The following ABLIM1 variants were observed in gnomAD, a reference collection of about 807,000 sequenced individuals.
ABLIM1 encodes actin binding LIM protein 1.
In ABLIM1, 40 loss-of-function variants were observed where a neutral mutation model predicts 107.0. That is an observed-to-expected ratio of 0.37 (90% CI 0.29 to 0.49). The LOEUF is 0.49. ABLIM1 is among the 20% of genes least tolerant of loss of function. ABLIM1 has a pLI of 0.97. For missense variants in ABLIM1, 857 were observed against 1,008.5 expected (o/e 0.85, Z 2.04); for synonymous variants, 357 against 357.3 (o/e 1.00, Z 0.01).
Position 114,619,052 on chromosome 10 carries a change from C to G in ABLIM1, c.245-17091G>C, listed in dbSNP as rs2034508162. Among the ~76,000 whole-genome samples the G allele has an allele frequency of 6.6e-6, 1 of 152,100 alleles. No homozygotes were observed. The highest frequency in any genetic ancestry group is 2.1e-4 in the South Asian group (1 of 4,812). On this transcript the variant is annotated intron_variant, in intron 1 of 22. Transcript: ENST00000533213. This position sits in a 1 kb window ranked among gnomAD's most constrained non-coding sequence, Gnocchi z 4.1. ...CAAGATAGGGGTGATGACAGACATG[C>G]CCTGCACCCAAGGAATGGTTAAACC...
the ABLIM1 span, chr10:114,778,939 A>C: frequency 6.6e-6 from 1 of 152,130 alleles, no homozygotes; most frequent in South Asian, 2.1e-4. Context: ...TCCAGCACCC[A>C]GTGGAGTATT....
chr10:114,632,927 G>A (rs950166285), intron 1 of ABLIM1, among the ~76,000 whole-genome samples: 1 of 152,072 alleles, frequency 6.6e-6, no homozygotes, highest in African/African-American at 2.4e-5. Flanking sequence ...ACAGGGTCAC[G>A]GGCTGTCCTG....
intron 1 of ABLIM1, among the ~76,000 whole-genome samples, chr10:114,692,172 C>T (rs529985595): frequency 5.9e-5 from 9 of 152,338 alleles, no homozygotes; most frequent in African/African-American, 1.7e-4. Context: ...ATTTATTTAA[C>T]ATTCTGTATT....
intron 1 of ABLIM1, among the ~76,000 whole-genome samples, chr10:114,677,352 G>C (rs542931107): frequency 2.6e-5 from 4 of 152,308 alleles, no homozygotes; most frequent in Non-Finnish European, 4.4e-5. Flanking sequence ...AGAAATACCT[G>C]AGAAAAGTAT....
chr10:114,744,212 T>G (rs1249069122), intron 1 of ABLIM1, among the ~76,000 whole-genome samples: 3 of 152,176 alleles, frequency 2.0e-5, no homozygotes, highest in Middle Eastern at 3.2e-3. Context: ...TTAGTTAGAT[T>G]GGATTCAAGT....
chr10:114,490,774 T>C (rs896425463), intron 7 of ABLIM1, among the ~76,000 whole-genome samples: 1 of 151,150 alleles, frequency 6.6e-6, no homozygotes, highest in African/African-American at 2.4e-5. Flanking sequence ...AAAACTATGA[T>C]CATATATATA....
chr10:114,767,623 T>C (rs1050903477), intron 1 of ABLIM1, among the ~76,000 whole-genome samples: 8 of 152,078 alleles, frequency 5.3e-5, no homozygotes, highest in Non-Finnish European at 1.0e-4. Context: ...ACTTTTTTTT[T>C]TTTTAATGGG....
At chr10:114,761,284 G>A (rs900522842) in intron 1 of ABLIM1, among the ~76,000 whole-genome samples, 20 of 150,600 alleles carry the variant, frequency 1.3e-4, no homozygotes, top group African/African-American at 4.6e-4. Flanking sequence ...AAAAAAGTGT[G>A]GTTCTGATTC....
At chr10:114,582,573 A>G (rs953012673) in intron 2 of ABLIM1, among the ~76,000 whole-genome samples, 3 of 152,218 alleles carry the variant, frequency 2.0e-5, no homozygotes, top group Admixed American at 2.0e-4. Flanking sequence ...AGCAAAAGGA[A>G]CAAAGCTAGC....
chr10:114,704,300 C>CTATATATA (rs1192514543), intron 1 of ABLIM1, among the ~76,000 whole-genome samples: 14 of 28,898 alleles, frequency 4.8e-4, no homozygotes, highest in African/African-American at 1.1e-3. Context: ...CTCTCTCTCT[C>CTATATATA]TCTATATATA....
At chr10:114,510,818 C>T (rs2061749876) in intron 6 of ABLIM1, among the ~76,000 whole-genome samples, 1 of 151,236 alleles carries the variant, frequency 6.6e-6, no homozygotes, top group Non-Finnish European at 1.5e-5. Context: ...TCCCAGCTAA[C>T]TTTTTGTATT....
At chr10:114,438,227 TAATGG>T (rs1436525767) in intron 21 of ABLIM1, among the ~76,000 whole-genome samples, 1 of 152,160 alleles carries the variant, frequency 6.6e-6, no homozygotes, top group Non-Finnish European at 1.5e-5. Flanking sequence ...CATTAGAAGA[TAATGG>T]AAATTACAGG....
chr10:114,484,310 G>A (rs1026498276), intron 8 of ABLIM1, among the ~76,000 whole-genome samples: 9 of 152,262 alleles, frequency 5.9e-5, no homozygotes, highest in South Asian at 4.2e-4. Flanking sequence ...GAGGAAATGA[G>A]ATTATACGTA....
intron 18 of ABLIM1, 86 bp downstream of exon 18, chr10:114,441,636 A>C: frequency 8.0e-7 from 1 of 1,252,748 alleles, no homozygotes; most frequent in Non-Finnish European, 1.2e-6. Flanking sequence ...ATCAAGAGTC[A>C]GACGTATTCA....
chr10:114,503,545 G>GTA (rs946805386), intron 6 of ABLIM1, among the ~76,000 whole-genome samples: 2 of 152,174 alleles, frequency 1.3e-5, no homozygotes, highest in African/African-American at 4.8e-5. Context: ...TATTTCAGTT[G>GTA]TATATATATA....
chr10:114,575,854 A>AC (rs2072458903), intron 2 of ABLIM1, among the ~76,000 whole-genome samples: 1 of 152,222 alleles, frequency 6.6e-6, no homozygotes, highest in Non-Finnish European at 1.5e-5. Context: ...AGATAATCAA[A>AC]CAGTCTTTGA....
chr10:114,696,824 C>T (rs1013701131), intron 1 of ABLIM1, among the ~76,000 whole-genome samples: 6 of 152,094 alleles, frequency 3.9e-5, no homozygotes, highest in Admixed American at 3.9e-4. Flanking sequence ...AACTAATATA[C>T]CATTCATACT....
chr10:114,800,915 TA>T, the ABLIM1 span, among the ~76,000 whole-genome samples: 1 of 149,238 alleles, frequency 6.7e-6, no homozygotes, highest in East Asian at 2.0e-4. Context: ...ACTCAATAAA[TA>T]AAAAACAAAA....
intron 1 of ABLIM1, among the ~76,000 whole-genome samples, chr10:114,676,199 C>A (rs1268886202): frequency 6.6e-6 from 1 of 152,192 alleles, no homozygotes; most frequent in Non-Finnish European, 1.5e-5. Flanking sequence ...GAAAATGTGA[C>A]TGGGCGCGAT....
Sources: gnomAD v4.1 joint callset for allele counts (sites outside exome capture counted in the v4.1 genomes callset) on GRCh38, gnomAD v4.1.1 for gene constraint, Gnocchi (gnomAD v3.1) non-coding constraint, MANE v1.5 for transcripts, NCBI Gene and HGNC (gene_info 2026-07-23, HGNC 2026-07-21) for gene names.